PDSS2: variants seen among roughly 807,000 people sequenced by gnomAD.
PDSS2 encodes the protein decaprenyl diphosphate synthase subunit 2.
In PDSS2, 31 loss-of-function variants were observed where a neutral mutation model predicts 44.5. The observed-to-expected ratio is 0.70, with a 90% CI of 0.52 to 0.94. PDSS2 has a LOEUF of 0.94. Among genes scored for constraint, PDSS2 ranks in the 40% least tolerant of loss-of-function variants. PDSS2 has a pLI of 0.00. For missense variants in PDSS2, 452 were observed against 482.2 expected, an observed-to-expected ratio of 0.94 and a Z score of 0.59; for synonymous variants, 157 against 180.3, an observed-to-expected ratio of 0.87 and a Z score of 1.03.
intron 7 of PDSS2, among the ~76,000 whole-genome samples, chr6:107,160,559 T>G (rs1771089625): frequency 6.6e-6 from 1 of 151,856 alleles, no homozygotes; most frequent in Non-Finnish European, 1.5e-5. Context: ...ACTATATTGC[T>G]CAAGATGGTT....
At chr6:107,352,394 A>T (rs1441550487) in intron 1 of PDSS2, among the ~76,000 whole-genome samples, 1 of 152,250 alleles carries the variant, frequency 6.6e-6, no homozygotes, top group South Asian at 2.1e-4. Context: ...TACTAAACTC[A>T]GTAGAAGATT....
At chr6:107,339,514 G>A (rs939913554) in intron 1 of PDSS2, among the ~76,000 whole-genome samples, 1 of 152,158 alleles carries the variant, frequency 6.6e-6, no homozygotes, top group Non-Finnish European at 1.5e-5. Flanking sequence ...AGCTTGCAGA[G>A]CTTATGGTCT....
chr6:107,438,299 C>T (rs1781415316), intron 1 of PDSS2, among the ~76,000 whole-genome samples: 1 of 152,120 alleles, frequency 6.6e-6, no homozygotes, highest in African/African-American at 2.4e-5. Context: ...ACTTCCACCC[C>T]CAGGGTTCAA....
intron 1 of PDSS2, among the ~76,000 whole-genome samples, chr6:107,359,960 A>G (rs184377956): frequency 6.8e-4 from 104 of 152,218 alleles, no homozygotes; most frequent in African/African-American, 2.4e-3. Flanking sequence ...TTGACACATA[A>G]ATTGCAATCA....
intron 6 of PDSS2, among the ~76,000 whole-genome samples, chr6:107,203,173 A>C (rs1772846090): frequency 6.6e-6 from 1 of 152,154 alleles, no homozygotes; most frequent in African/African-American, 2.4e-5. Flanking sequence ...GGAGTACTTC[A>C]AACTCACCAT....
intron 3 of PDSS2, among the ~76,000 whole-genome samples, chr6:107,254,323 C>T (rs970892861): frequency 5.3e-5 from 8 of 151,668 alleles, no homozygotes; most frequent in Admixed American, 2.6e-4. Flanking sequence ...TGAGCCACTG[C>T]GCCTGGCCGA....
intron 7 of PDSS2, among the ~76,000 whole-genome samples, chr6:107,170,373 G>GT (rs1229247163): frequency 4.6e-5 from 7 of 152,168 alleles, no homozygotes; most frequent in African/African-American, 1.7e-4. Flanking sequence ...GTTGCCATCT[G>GT]TCACAGCTTC....
intron 4 of PDSS2, among the ~76,000 whole-genome samples, chr6:107,239,400 T>C (rs1774339284): frequency 6.6e-6 from 1 of 152,218 alleles, no homozygotes; most frequent in Admixed American, 6.5e-5. Context: ...ATTAAAATTA[T>C]ATTTTTGAAG....
At chr6:107,316,696 C>T (rs62430088) in intron 2 of PDSS2, among the ~76,000 whole-genome samples, 1 of 152,062 alleles carries the variant, frequency 6.6e-6, no homozygotes, top group Non-Finnish European at 1.5e-5. Flanking sequence ...AAGTGACTGC[C>T]GTTCTCCCTT....
chr6:107,269,947 G>A lies in PDSS2; in HGVS notation c.630+4082C>T, dbSNP rs540540430. ...CTCCCAAAGTGCTGGAAATACAGGC[G>A]TGAGCCACCGTGCCCAAATGCCACC... On this transcript the variant is annotated intron_variant, in intron 3 of 7. Coordinates refer to ENST00000369037, the MANE Select transcript of PDSS2 (RefSeq NM_020381.4). Among the ~76,000 whole-genome samples the A allele has an allele frequency of 1.1e-4, 17 of 151,890 alleles. No individual in the cohort carries two copies. The East Asian group carries it at 2.3e-3, about 21-fold the overall frequency.
intron 2 of PDSS2, among the ~76,000 whole-genome samples, chr6:107,275,834 C>T (rs1380147265): frequency 2.6e-5 from 4 of 152,062 alleles, no homozygotes; most frequent in African/African-American, 4.8e-5. Context: ...GGAAAATAGG[C>T]CAGGTGCAGT....
At chr6:107,429,901 A>AAAAATATAT (rs1166637352) in intron 1 of PDSS2, among the ~76,000 whole-genome samples, 18 of 31,804 alleles carry the variant, frequency 5.7e-4, no homozygotes, top group East Asian at 4.1e-3. Flanking sequence ...AAAAAAAAAA[A>AAAAATATAT]ATATATATAT....
intron 1 of PDSS2, among the ~76,000 whole-genome samples, chr6:107,450,728 G>T (rs903831633): frequency 1.3e-5 from 2 of 152,182 alleles, no homozygotes; most frequent in Admixed American, 1.3e-4. Context: ...ACAAACATTT[G>T]TGTATAGGTT....
chr6:107,211,549 G>A (rs1773210060), intron 5 of PDSS2, among the ~76,000 whole-genome samples: 1 of 151,750 alleles, frequency 6.6e-6, no homozygotes, highest in Non-Finnish European at 1.5e-5. Flanking sequence ...GACCAACATG[G>A]TGAAACCTCG....
intron 7 of PDSS2, among the ~76,000 whole-genome samples, chr6:107,166,022 T>C (rs1554247456): frequency 1.3e-5 from 2 of 151,188 alleles, no homozygotes; most frequent in African/African-American, 4.9e-5. Flanking sequence ...TTTTGTATCC[T>C]GAGACTTTGC....
chr6:107,242,463 C>T (rs1774471458), intron 4 of PDSS2, among the ~76,000 whole-genome samples: 1 of 152,098 alleles, frequency 6.6e-6, no homozygotes, highest in South Asian at 2.1e-4. Flanking sequence ...ATGAGATGGT[C>T]TCGATCTCCC....
intron 1 of PDSS2, among the ~76,000 whole-genome samples, chr6:107,447,298 T>C (rs1476971320): frequency 6.6e-6 from 1 of 151,978 alleles, no homozygotes; most frequent in East Asian, 1.9e-4. Flanking sequence ...ATGGCACCAC[T>C]GCACTCCAGC....
intron 4 of PDSS2, among the ~76,000 whole-genome samples, chr6:107,233,549 T>C (rs1406009090): frequency 1.3e-5 from 2 of 152,098 alleles, no homozygotes; most frequent in African/African-American, 4.8e-5. Flanking sequence ...TGGTGGCTCA[T>C]ACCTGTAATC....
At chr6:107,261,660 C>A (rs1311379034) in intron 3 of PDSS2, among the ~76,000 whole-genome samples, 14 of 148,348 alleles carry the variant, frequency 9.4e-5, no homozygotes, top group African/African-American at 3.2e-4. Flanking sequence ...TTCACTGCAA[C>A]CTCCGCTTTT....
Sources: gnomAD v4.1 joint callset for allele counts (sites outside exome capture counted in the v4.1 genomes callset) on GRCh38, gnomAD v4.1.1 for gene constraint, MANE v1.5 for transcripts, NCBI Gene and HGNC (gene_info 2026-07-23, HGNC 2026-07-21) for gene names.